The following PACS1 variants were observed in gnomAD, a reference collection of about 807,000 sequenced individuals.
PACS1 encodes the protein phosphofurin acidic cluster sorting protein 1, also known as PACS-1.
A neutral mutation model predicts 115.0 loss-of-function variants in PACS1; 24 were observed. The observed-to-expected ratio is 0.21, with a 90% CI of 0.15 to 0.29. The LOEUF is 0.29. Among genes scored for constraint, PACS1 ranks in the 10% least tolerant of loss-of-function variants. The pLI is 1.00. For missense variants in PACS1, 838 were observed against 1,251.2 expected, an observed-to-expected ratio of 0.67 and a Z score of 4.98; for synonymous variants, 453 against 504.5, an observed-to-expected ratio of 0.90 and a Z score of 1.37.
chr11:66,234,247 T>A lies in PACS1; in HGVS notation c.2104+5T>A, dbSNP rs757701393. 6 of 1,602,458 alleles carry A rather than the reference T, an allele frequency of 3.7e-6. No homozygotes were observed. The highest frequency in any genetic ancestry group is 5.1e-6 in the Non-Finnish European group (6 of 1,169,310). On this transcript the variant is annotated splice_donor_5th_base_variant and intron_variant, in intron 17 of 23. Transcript: ENST00000320580. ...GCTCGGAGCCACCAGTGTCAGGTAATGGCCCCGTGTAAGGAGCTTACTCCC... is the reference window on the plus strand; with the variant it reads ...GCTCGGAGCCACCAGTGTCAGGTAAAGGCCCCGTGTAAGGAGCTTACTCCC...
At chr11:66,137,049 G>T (rs1037385094) in intron 1 of PACS1, among the ~76,000 whole-genome samples, 2 of 134,404 alleles carry the variant, frequency 1.5e-5, no homozygotes, top group African/African-American at 2.8e-5. Flanking sequence ...TTCGTCATTT[G>T]TCTCCAAGCT....
chr11:66,098,818 T>G (rs951960359), intron 1 of PACS1, among the ~76,000 whole-genome samples: 1 of 152,126 alleles, frequency 6.6e-6, no homozygotes, highest in East Asian at 1.9e-4. Context: ...GCGGATCTTA[T>G]AGTATTTCCT....
chr11:66,211,121 T>C lies in PACS1; in HGVS notation c.535-13T>C. 2 of 1,613,078 alleles carry C rather than the reference T, an allele frequency of 1.2e-6. No individual in the cohort carries two copies. Among genetic ancestry groups the C allele is most frequent in the Non-Finnish European group, 1.7e-6 (2 of 1,179,262 alleles). On this transcript the variant is annotated splice_polypyrimidine_tract_variant and intron_variant, in intron 3 of 23. Transcript: ENST00000320580. ...CCCATTAACCACGCTCGACTCTGTT[T>C]TGTATTTCGTAGTACCCTCATTTCC...
intron 1 of PACS1, among the ~76,000 whole-genome samples, chr11:66,177,768 T>C (rs935568993): frequency 6.6e-6 from 1 of 152,130 alleles, no homozygotes; most frequent in Non-Finnish European, 1.5e-5. Flanking sequence ...CACACCACCA[T>C]GCCCAGCTAA....
rs1244377740 is a variant in PACS1, at chr11:66,193,473, T to C, written c.357-13T>C. 6.3e-7 allele frequency: 1 copy of C among 1,589,072 alleles called. No individual in the cohort carries two copies. The highest frequency in any genetic ancestry group is 8.6e-7 in the Non-Finnish European group (1 of 1,157,440). ...CTCGCATATGACAGCATCTTCCTTC[T>C]CTGTTTTTCTAGGCTATTCAGCTTG... On this transcript the variant is annotated splice_polypyrimidine_tract_variant and intron_variant, in intron 1 of 23. Transcript: ENST00000320580.
chr11:66,187,385 T>C (rs1565138942), intron 1 of PACS1, among the ~76,000 whole-genome samples: 1 of 152,192 alleles, frequency 6.6e-6, no homozygotes, highest in Non-Finnish European at 1.5e-5. Flanking sequence ...TAGTCATCTT[T>C]CTGAACACTA....
chr11:66,087,815 G>A (rs1351021405), intron 1 of PACS1, among the ~76,000 whole-genome samples: 5 of 152,132 alleles, frequency 3.3e-5, no homozygotes, highest in African/African-American at 1.2e-4. Flanking sequence ...TCAGATTGCC[G>A]GGCTGTGGGG....
At chr11:66,212,316 T>C (rs1325186634) in intron 4 of PACS1, among the ~76,000 whole-genome samples, 15 of 150,682 alleles carry the variant, frequency 1.0e-4, no homozygotes, top group Non-Finnish European at 4.4e-5. Flanking sequence ...TTTTTTTTAG[T>C]AGAGACGGGG....
At chr11:66,142,399 A>T (rs1007079766) in intron 1 of PACS1, among the ~76,000 whole-genome samples, 3 of 151,980 alleles carry the variant, frequency 2.0e-5, no homozygotes, top group African/African-American at 4.8e-5. Flanking sequence ...GCTCACTGCA[A>T]CCGCCACCTG....
At chr11:66,192,951 A>G (rs1440993865) in intron 1 of PACS1, among the ~76,000 whole-genome samples, 1 of 152,244 alleles carries the variant, frequency 6.6e-6, no homozygotes, top group Non-Finnish European at 1.5e-5. Flanking sequence ...ATTTCCTGCC[A>G]AATGATGTAT....
rs145892422 is a variant in PACS1, at chr11:66,096,962, A to C, written c.356+26120A>C. ...GAATCCTATTGCCTCACACTCCCAA[A>C]GTGCTGGGATTACAGGCATGAGCCA... On this transcript the variant is annotated intron_variant, in intron 1 of 23. Coordinates refer to ENST00000320580, the MANE Select transcript of PACS1 (RefSeq NM_018026.4). Among the ~76,000 whole-genome samples, 9 of 150,598 alleles carry C rather than the reference A, an allele frequency of 6.0e-5. No individual in the cohort carries two copies. The East Asian group carries it at 1.8e-3, about 30-fold the overall frequency.
chr11:66,103,285 G>A (rs1857962411), intron 1 of PACS1, among the ~76,000 whole-genome samples: 1 of 152,124 alleles, frequency 6.6e-6, no homozygotes, highest in African/African-American at 2.4e-5. Flanking sequence ...CAACAGTGGG[G>A]TGTCAATTAT....
Position 66,239,247 on chromosome 11 carries a change from C to T in PACS1, c.2399C>T (p.Pro800Leu). 6.2e-7 allele frequency: 1 copy of T among 1,613,548 alleles called. No individual in the cohort carries two copies. The highest frequency in any genetic ancestry group is 8.5e-7 in the Non-Finnish European group (1 of 1,179,964). ...GCCACGGCCACCCCTCCCTCCTCCC[C>T]ATCTATGAGCAGCGCCCTGGCCATC... ...RDATATPPSS[P>L]SMSSALAIVG... The change falls in exon 21 of 24, where the codon CCA becomes CTA. Residue 800 changes from proline to leucine, a missense_variant. This residue lies in a region of PACS1 where 383 missense variants were observed against 537.0 expected (regional missense o/e 0.71). Coordinates refer to ENST00000320580, the MANE Select transcript of PACS1 (RefSeq NM_018026.4).
At chr11:66,240,093 C>CT (rs1451058159) in intron 21 of PACS1, among the ~76,000 whole-genome samples, 1 of 152,192 alleles carries the variant, frequency 6.6e-6, no homozygotes, top group Non-Finnish European at 1.5e-5. Flanking sequence ...ATCCACGTCT[C>CT]TAAAAAAGAG....
chr11:66,199,791 G>A (rs528483770), intron 2 of PACS1, among the ~76,000 whole-genome samples: 12 of 151,820 alleles, frequency 7.9e-5, no homozygotes, highest in East Asian at 1.9e-4. Context: ...AGCCCAAGGC[G>A]GGCAAATCAT....
chr11:66,095,684 C>T (rs1857764820), intron 1 of PACS1, among the ~76,000 whole-genome samples: 1 of 152,218 alleles, frequency 6.6e-6, no homozygotes, highest in African/African-American at 2.4e-5. Context: ...TCTCGAACTC[C>T]TGACCTCAAG....
At chr11:66,147,669 CAT>C (rs1442484329) in intron 1 of PACS1, among the ~76,000 whole-genome samples, 2 of 151,916 alleles carry the variant, frequency 1.3e-5, no homozygotes, top group African/African-American at 4.8e-5. Context: ...GGAGTTAAAA[CAT>C]GTAGAATAGA....
At chr11:66,160,598 G>A (rs1859464317) in intron 1 of PACS1, among the ~76,000 whole-genome samples, 1 of 151,446 alleles carries the variant, frequency 6.6e-6, no homozygotes. Context: ...CTGGGCTCGA[G>A]TGATTCTCCC....
At chr11:66,124,501 A>G (rs944621982) in intron 1 of PACS1, among the ~76,000 whole-genome samples, 34 of 152,198 alleles carry the variant, frequency 2.2e-4, no homozygotes, top group African/African-American at 7.5e-4. Flanking sequence ...ATTCAGGATA[A>G]CTTCTGGGTC....
Sources: gnomAD v4.1 joint callset for allele counts (sites outside exome capture counted in the v4.1 genomes callset) on GRCh38, gnomAD v4.1.1 for gene constraint, gnomAD v4.1.1 regional missense constraint, MANE v1.5 for transcripts, NCBI Gene and HGNC (gene_info 2026-07-23, HGNC 2026-07-21) for gene names.